Variants in NPSR1 observed in about 807,000 individuals in gnomAD.
The protein encoded by NPSR1 is neuropeptide S receptor.
A neutral mutation model predicts 46.9 loss-of-function variants in NPSR1; 48 were observed. The observed-to-expected ratio is 1.02, with a 90% CI of 0.81 to 1.30. The LOEUF (loss-of-function observed/expected upper bound fraction) is 1.30, where lower values mean the gene tolerates loss of function less well. Ranked by LOEUF, NPSR1 falls within the 50% of genes most tolerant of loss-of-function variation. NPSR1 has a pLI of 0.00. For missense variants in NPSR1, 450 were observed against 449.5 expected, an observed-to-expected ratio of 1.00 and a Z score of -0.01; for synonymous variants, 176 against 168.1, an observed-to-expected ratio of 1.05 and a Z score of -0.36.
chr7:34,801,761 A>G (rs1270036154), intron 3 of NPSR1, among the ~76,000 whole-genome samples: 1 of 148,790 alleles, frequency 6.7e-6, no homozygotes, highest in Non-Finnish European at 1.5e-5. Flanking sequence ...TTCAATTAGG[A>G]AAAGAGGAAG....
chr7:34,660,954 T>C (rs1454038208), intron 1 of NPSR1, among the ~76,000 whole-genome samples: 3 of 152,208 alleles, frequency 2.0e-5, no homozygotes, highest in Non-Finnish European at 4.4e-5. Flanking sequence ...TATTTCCATA[T>C]GTGTTGGCTG....
intron 3 of NPSR1, 144 bp from the exon 4 acceptor site, chr7:34,811,625 GA>G: frequency 1.8e-6 from 1 of 555,740 alleles, no homozygotes; most frequent in South Asian, 2.6e-5. Flanking sequence ...CCATGTAAGA[GA>G]GTTATTTCCC....
chr7:34,684,720 A>T (rs751603498), intron 2 of NPSR1, 36 bp downstream of exon 2: 1 of 1,562,398 alleles, frequency 6.4e-7, no homozygotes, highest in South Asian at 1.2e-5. Flanking sequence ...AGGAAGCTAT[A>T]TGTGAAGTCC....
At chr7:34,684,795 G>T in intron 2 of NPSR1, 111 bp downstream of exon 2, 1 of 885,488 alleles carries the variant, frequency 1.1e-6, no homozygotes, top group Non-Finnish European at 1.6e-6. Flanking sequence ...CGGTCAATTT[G>T]GGAATAATTT....
intron 8 of NPSR1, among the ~76,000 whole-genome samples, chr7:34,868,122 T>C (rs1390938318): frequency 2.6e-5 from 4 of 151,702 alleles, no homozygotes; most frequent in African/African-American, 4.9e-5. Flanking sequence ...TAAATAAACC[T>C]CTGGTGAATT....
At chr7:34,847,266 G>GA (rs1790769081) in intron 7 of NPSR1, among the ~76,000 whole-genome samples, 1 of 152,132 alleles carries the variant, frequency 6.6e-6, no homozygotes, top group Non-Finnish European at 1.5e-5. Context: ...TCTACTCCGA[G>GA]AAAAAATTCT....
chr7:34,868,950 G>A (rs1584159835), intron 8 of NPSR1, among the ~76,000 whole-genome samples: 2 of 151,716 alleles, frequency 1.3e-5, no homozygotes, highest in Non-Finnish European at 2.9e-5. Flanking sequence ...GCAGAAGACA[G>A]GACTTCAGCA....
intron 2 of NPSR1, chr7:34,704,045 G>T (rs1793982249): frequency 6.6e-6 from 1 of 152,150 alleles, no homozygotes; most frequent in African/African-American, 2.4e-5. Flanking sequence ...ATGAGCTTAG[G>T]AATTCTCTGC....
intron 2 of NPSR1, among the ~76,000 whole-genome samples, chr7:34,726,418 G>A (rs192518953): frequency 1.4e-4 from 21 of 152,302 alleles, no homozygotes; most frequent in Admixed American, 2.6e-4. Context: ...GTGGGAATGC[G>A]AAATAGGACT....
At chr7:34,777,215 A>T (rs1787003611) in intron 2 of NPSR1, among the ~76,000 whole-genome samples, 1 of 152,118 alleles carries the variant, frequency 6.6e-6, no homozygotes, top group South Asian at 2.1e-4. Flanking sequence ...AGAGCACTTT[A>T]GCTTGCAGTG....
chr7:34,874,155 C>T (rs1388260659), intron 8 of NPSR1, among the ~76,000 whole-genome samples: 3 of 148,700 alleles, frequency 2.0e-5, no homozygotes, highest in South Asian at 2.1e-4. Flanking sequence ...AACTAGAGGA[C>T]GGTCCTCACC....
At chr7:34,752,339 T>G (rs923123200) in intron 2 of NPSR1, among the ~76,000 whole-genome samples, 1 of 152,164 alleles carries the variant, frequency 6.6e-6, no homozygotes, top group Non-Finnish European at 1.5e-5. Context: ...ACAGAGGTTT[T>G]GGGAGTTCCT....
At chr7:34,677,826 C>T (rs1204100418) in intron 1 of NPSR1, among the ~76,000 whole-genome samples, 4 of 152,122 alleles carry the variant, frequency 2.6e-5, no homozygotes, top group Non-Finnish European at 5.9e-5. Flanking sequence ...GCAGACCTCA[C>T]AAAAAAGGAT....
intron 1 of NPSR1, among the ~76,000 whole-genome samples, chr7:34,670,789 A>G (rs1443395148): frequency 6.6e-6 from 1 of 152,004 alleles, no homozygotes; most frequent in Non-Finnish European, 1.5e-5. Context: ...TCTGAACAAT[A>G]CAAACTCAAT....
chr7:34,847,593 G>A (rs1790783129), intron 7 of NPSR1, among the ~76,000 whole-genome samples: 1 of 152,198 alleles, frequency 6.6e-6, no homozygotes, highest in Non-Finnish European at 1.5e-5. Flanking sequence ...TTCCAAGTGT[G>A]AAGGCAGGAG....
intron 2 of NPSR1, among the ~76,000 whole-genome samples, chr7:34,705,159 G>A (rs1481831862): frequency 6.6e-6 from 1 of 152,088 alleles, no homozygotes; most frequent in Non-Finnish European, 1.5e-5. Flanking sequence ...GGACGTGGTG[G>A]CTCATGCTTG....
intron 6 of NPSR1, among the ~76,000 whole-genome samples, chr7:34,844,034 G>A (rs1035760599): frequency 6.6e-6 from 1 of 152,258 alleles, no homozygotes; most frequent in Admixed American, 6.5e-5. Context: ...CTTCACAAAG[G>A]TGGCATATGG....
rs1391767930 is a variant in NPSR1, at chr7:34,868,461, C to A, written c.1026-9615C>A. Reference sequence around the variant, plus strand: ...GGGTCAACCTGCAAAAAGTAAGCCCCAAAGTCAAGGAAAGGGAATGAGATC... The same window carrying A: ...GGGTCAACCTGCAAAAAGTAAGCCCAAAAGTCAAGGAAAGGGAATGAGATC... On this transcript the variant is annotated intron_variant, in intron 8 of 8. Coordinates refer to the NPSR1 transcript ENST00000359791. Among the ~76,000 whole-genome samples the A allele has an allele frequency of 2.6e-5, 4 of 151,594 alleles. No individual in the cohort carries two copies. The East Asian group carries it at 7.7e-4, about 29-fold the overall frequency.
intron 2 of NPSR1, among the ~76,000 whole-genome samples, chr7:34,731,237 A>G (rs1235416806): frequency 2.0e-5 from 3 of 152,212 alleles, no homozygotes; most frequent in South Asian, 2.1e-4. Flanking sequence ...CTACAAATCA[A>G]TAAGTAGAAG....
Sources: gnomAD v4.1 joint callset for allele counts (sites outside exome capture counted in the v4.1 genomes callset) on GRCh38, gnomAD v4.1.1 for gene constraint, MANE v1.5 for transcripts, NCBI Gene and HGNC (gene_info 2026-07-23, HGNC 2026-07-21) for gene names.